The following ARHGAP24 variants were observed in gnomAD, a reference collection of about 807,000 sequenced individuals.
ARHGAP24 encodes the protein Rho GTPase activating protein 24, also known as rho GTPase-activating protein 24.
A neutral mutation model predicts 76.4 loss-of-function variants in ARHGAP24; 50 were observed. That is an observed-to-expected ratio of 0.65 (90% CI 0.52 to 0.83). The LOEUF is 0.83. ARHGAP24 is among the 40% of genes least tolerant of loss of function. The pLI, the probability that ARHGAP24 is intolerant of heterozygous loss-of-function variation, is 0.00. For synonymous variants in ARHGAP24, 345 were observed against 323.3 expected (o/e 1.07, Z -0.72); for missense variants, 930 against 914.2 (o/e 1.02, Z -0.22).
chr4:85,527,679 G>GT (rs1725066074), intron 1 of ARHGAP24, among the ~76,000 whole-genome samples: 1 of 151,908 alleles, frequency 6.6e-6, no homozygotes, highest in Non-Finnish European at 1.5e-5. Flanking sequence ...TTAATGTTTT[G>GT]TTTTTATTTT....
At chr4:85,542,765 T>C (rs1725753722) in intron 1 of ARHGAP24, among the ~76,000 whole-genome samples, 1 of 152,176 alleles carries the variant, frequency 6.6e-6, no homozygotes, top group Admixed American at 6.5e-5. Context: ...GAGAGACATA[T>C]TGATAGTGGT....
At chr4:85,773,765 T>C (rs958382393) in intron 3 of ARHGAP24, among the ~76,000 whole-genome samples, 2 of 152,146 alleles carry the variant, frequency 1.3e-5, no homozygotes, top group Non-Finnish European at 2.9e-5. Context: ...TTTATTTTCC[T>C]GGGGAAATTT....
chr4:85,504,703 C>T (rs548246243), intron 1 of ARHGAP24, among the ~76,000 whole-genome samples: 1 of 152,312 alleles, frequency 6.6e-6, no homozygotes, highest in Non-Finnish European at 1.5e-5. Context: ...TTAATTGGAA[C>T]ATTCAGCCCA....
intron 1 of ARHGAP24, among the ~76,000 whole-genome samples, chr4:85,533,986 T>A (rs369782525): frequency 6.0e-4 from 92 of 152,186 alleles, no homozygotes; most frequent in African/African-American, 2.1e-3. Context: ...TAGCTGAATC[T>A]GCACATGAAA....
At chr4:85,849,462 T>G (rs371343024) in intron 3 of ARHGAP24, among the ~76,000 whole-genome samples, 5 of 152,354 alleles carry the variant, frequency 3.3e-5, no homozygotes, top group South Asian at 4.1e-4. Flanking sequence ...CTGATTGCCC[T>G]GGCCAGAACT....
intron 3 of ARHGAP24, among the ~76,000 whole-genome samples, chr4:85,834,920 TGA>T (rs1730181712): frequency 6.6e-6 from 1 of 152,180 alleles, no homozygotes; most frequent in Non-Finnish European, 1.5e-5. Context: ...TAAAGAATAC[TGA>T]GAGTATAAAA....
At chr4:85,633,678 G>A (rs756321729) in intron 2 of ARHGAP24, among the ~76,000 whole-genome samples, 36 of 151,858 alleles carry the variant, frequency 2.4e-4, no homozygotes, top group Non-Finnish European at 4.1e-4. Context: ...TTAGAATTCA[G>A]TTTGAGATTA....
At chr4:85,522,367 CA>C (rs1210328551) in intron 1 of ARHGAP24, among the ~76,000 whole-genome samples, 1 of 152,146 alleles carries the variant, frequency 6.6e-6, no homozygotes, top group Non-Finnish European at 1.5e-5. Context: ...AGGTGATACT[CA>C]GTTGGTGAAC....
At chr4:85,973,865 C>T (rs1739154274) in intron 6 of ARHGAP24, among the ~76,000 whole-genome samples, 1 of 44,078 alleles carries the variant, frequency 2.3e-5, no homozygotes, top group South Asian at 5.4e-4. Flanking sequence ...TTTTTTGAGA[C>T]AGAGTCTTGC....
rs1482294082 is a variant in ARHGAP24, at chr4:85,988,002, AAAG to A, written c.929-6577_929-6575del. ...TTTCTTGTTAGAAATTATATAACCA[AAAG>A]AAGTGGATCAAAACCTTTGAAGTAC... On this transcript the variant is annotated intron_variant, in intron 8 of 9. Transcript: ENST00000395184. 4.6e-5 allele frequency among the ~76,000 whole-genome samples: 7 copies of A among 152,056 alleles called. No homozygotes were observed. In the East Asian group the frequency reaches 1.3e-3, roughly 29 times the overall value.
Position 85,490,168 on chromosome 4 carries a change from T to C in ARHGAP24, c.-21+14609T>C, listed in dbSNP as rs188665789. On this transcript the variant is annotated intron_variant, in intron 1 of 9. Coordinates refer to ENST00000395184, the MANE Select transcript of ARHGAP24 (RefSeq NM_001025616.3). ...TATGTCATGTTAAGGTAGAATGTGA[T>C]AAAATTACTGGTGATATTTTGTATT... 2.8e-3 allele frequency among the ~76,000 whole-genome samples: 424 copies of C among 152,320 alleles called. 1 individual carries two copies. Among genetic ancestry groups the C allele is most frequent in the African/African-American group, 8.4e-3 (350 of 41,568 alleles).
chr4:85,508,055 CTT>C (rs33968351), intron 1 of ARHGAP24, among the ~76,000 whole-genome samples: 107 of 148,754 alleles, frequency 7.2e-4, no homozygotes, highest in Middle Eastern at 6.9e-3. Context: ...CATCATTATT[CTT>C]TTTTTTTTTT....
intron 1 of ARHGAP24, 125 bp downstream of exon 1, chr4:85,475,684 CGGGG>C (rs1722559712): frequency 2.3e-4 from 1 of 4,312 alleles, no homozygotes; most frequent in Non-Finnish European, 5.7e-4. Context: ...GAGGGGGCTG[CGGGG>C]GGCGGGGAGG....
At chr4:85,681,827 C>T (rs1314410898) in intron 2 of ARHGAP24, among the ~76,000 whole-genome samples, 3 of 152,142 alleles carry the variant, frequency 2.0e-5, no homozygotes, top group Admixed American at 2.0e-4. Flanking sequence ...TAACCAAATG[C>T]TTTCTTGTGA....
intron 2 of ARHGAP24, among the ~76,000 whole-genome samples, chr4:85,649,290 A>G (rs1040392403): frequency 4.6e-5 from 7 of 152,144 alleles, no homozygotes; most frequent in African/African-American, 1.7e-4. Context: ...TCAGCATATT[A>G]AATCAGGCAT....
chr4:85,697,827 A>G (rs1160203554), intron 2 of ARHGAP24, among the ~76,000 whole-genome samples: 1 of 152,200 alleles, frequency 6.6e-6, no homozygotes, highest in Non-Finnish European at 1.5e-5. Flanking sequence ...ACAGGCAGGA[A>G]AGGGAAGCCT....
chr4:85,627,491 G>T (rs76632157), intron 2 of ARHGAP24, among the ~76,000 whole-genome samples: 1 of 152,170 alleles, frequency 6.6e-6, no homozygotes, highest in African/African-American at 2.4e-5. Flanking sequence ...CTACTGGTTG[G>T]TGCCTCCCAG....
chr4:85,703,998 G>T (rs1157509678), intron 2 of ARHGAP24, among the ~76,000 whole-genome samples: 3 of 151,800 alleles, frequency 2.0e-5, no homozygotes, highest in Non-Finnish European at 4.4e-5. Flanking sequence ...TTTTATCTTT[G>T]CCAGAAAGTT....
At chr4:85,722,741 G>A (rs1051239614) in intron 3 of ARHGAP24, among the ~76,000 whole-genome samples, 1 of 152,172 alleles carries the variant, frequency 6.6e-6, no homozygotes, top group Non-Finnish European at 1.5e-5. Context: ...AGGGAGGTAG[G>A]AATCTGGCTC....
Sources: allele counts gnomAD v4.1 joint callset (sites outside exome capture counted in the v4.1 genomes callset), GRCh38; gene constraint gnomAD v4.1.1; transcripts MANE v1.5; gene names NCBI Gene and HGNC (gene_info 2026-07-23, HGNC 2026-07-21).